Variants in SLC24A3 observed in about 807,000 individuals in gnomAD.
SLC24A3 encodes the protein sodium/potassium/calcium exchanger 3.
In SLC24A3, 28 loss-of-function variants were observed where a neutral mutation model predicts 75.8. The observed-to-expected ratio is 0.37, with a 90% CI of 0.27 to 0.51. SLC24A3 has a LOEUF of 0.51. SLC24A3 is among the 20% of genes least tolerant of loss of function. SLC24A3 has a pLI of 0.94. For missense variants in SLC24A3, 663 were observed against 847.8 expected, an observed-to-expected ratio of 0.78 and a Z score of 2.71; for synonymous variants, 372 against 334.1, an observed-to-expected ratio of 1.11 and a Z score of -1.24.
rs139747422 is a variant in SLC24A3, at chr20:19,655,626, T to A, written c.687+1490T>A. Among the ~76,000 whole-genome samples the A allele has an allele frequency of 6.2e-3, 942 of 152,260 alleles. 6 individuals carry two copies. Among genetic ancestry groups the A allele is most frequent in the African/African-American group, 0.021 (885 of 41,534 alleles). ...TCACCCTCCCCACGGTGAATGAGCA[T>A]GATTCAATTCACTGAAGGCCCGAAT... is the stretch of plus-strand genomic sequence containing the variant. On this transcript the variant is annotated intron_variant, in intron 7 of 16. Coordinates refer to ENST00000328041, the MANE Select transcript of SLC24A3 (RefSeq NM_020689.4).
chr20:19,232,541 T>A (rs1982053458), intron 1 of SLC24A3, among the ~76,000 whole-genome samples: 1 of 152,198 alleles, frequency 6.6e-6, no homozygotes, highest in South Asian at 2.1e-4. Flanking sequence ...ATAGTTTATT[T>A]GAGATATTTG....
At position 19,281,055 on chromosome 20, in the gene SLC24A3, G is replaced by C; in HGVS notation, c.239G>C (p.Gly80Ala). The change falls in exon 2 of 17, where the codon GGA (glycine) becomes GCA (alanine). Residue 80 changes from glycine to alanine, a missense_variant. Coordinates refer to ENST00000328041, the MANE Select transcript of SLC24A3 (RefSeq NM_020689.4). Reference protein sequence around the residue: ...VNDTLTSEDAGLRNSKNCTEP... With the variant: ...VNDTLTSEDAALRNSKNCTEP... ...GACACTCTGACTTCCGAAGATGCCGGACTCCGGAACAGCAAGAACTGCACC... is the reference window on the plus strand; with the variant it reads ...GACACTCTGACTTCCGAAGATGCCGCACTCCGGAACAGCAAGAACTGCACC... The C allele has an allele frequency of 6.2e-7, 1 of 1,614,174 alleles. No homozygotes were observed. Among genetic ancestry groups the C allele is most frequent in the Non-Finnish European group, 8.5e-7 (1 of 1,180,022 alleles).
rs568601928 is a variant in SLC24A3, at chr20:19,593,948, C to T, written c.612+8404C>T. The stretch of plus-strand genomic sequence containing the variant: ...ACCCCGGCCATTCACTCCTGAACCC[C>T]ACAACAGCTGCCGGGTGGGCCCAGG... On this transcript the variant is annotated intron_variant, in intron 6 of 16. Coordinates refer to ENST00000328041, the MANE Select transcript of SLC24A3 (RefSeq NM_020689.4). Among the ~76,000 whole-genome samples the T allele has an allele frequency of 1.7e-3, 254 of 152,324 alleles. 1 individual carries two copies. Among genetic ancestry groups the T allele is most frequent in the Non-Finnish European group, 2.7e-3 (187 of 68,030 alleles).
intron 5 of SLC24A3, 140 bp from the exon 6 acceptor site, chr20:19,585,301 A>T: frequency 1.2e-6 from 1 of 832,280 alleles, no homozygotes; most frequent in Non-Finnish European, 1.9e-6. Flanking sequence ...ATCCCTCTGT[A>T]GATTAGAAAG....
At chr20:19,621,022 G>T (rs2031797160) in intron 6 of SLC24A3, among the ~76,000 whole-genome samples, 1 of 152,202 alleles carries the variant, frequency 6.6e-6, no homozygotes, top group Admixed American at 6.5e-5. Context: ...GATGTGAAAG[G>T]TGCCTTAAGA....
At chr20:19,633,062 T>C (rs190775824) in intron 6 of SLC24A3, among the ~76,000 whole-genome samples, 56 of 152,380 alleles carry the variant, frequency 3.7e-4, no homozygotes, top group African/African-American at 1.3e-3. Flanking sequence ...CATGTGCAGA[T>C]TTATCAGTTT....
intron 1 of SLC24A3, among the ~76,000 whole-genome samples, chr20:19,215,148 G>T (rs1410076202): frequency 3.9e-5 from 6 of 152,302 alleles, no homozygotes; most frequent in African/African-American, 1.4e-4. Flanking sequence ...ATCTGCAAAT[G>T]ATAATTTTGC....
chr20:19,518,569 G>C (rs1280833123), intron 3 of SLC24A3, among the ~76,000 whole-genome samples: 2 of 152,226 alleles, frequency 1.3e-5, no homozygotes, highest in Non-Finnish European at 2.9e-5. Context: ...GAGACACAGA[G>C]AGGTGAGAGT....
At chr20:19,543,731 A>G (rs2030540820) in intron 3 of SLC24A3, among the ~76,000 whole-genome samples, 1 of 152,190 alleles carries the variant, frequency 6.6e-6, no homozygotes, top group Non-Finnish European at 1.5e-5. Flanking sequence ...CCCCCAGTAT[A>G]TACTGGTTGA....
intron 2 of SLC24A3, among the ~76,000 whole-genome samples, chr20:19,513,509 T>A (rs920869131): frequency 6.6e-6 from 1 of 152,218 alleles, no homozygotes; most frequent in Non-Finnish European, 1.5e-5. Context: ...AATTTCCAGA[T>A]CGTGGCTTCA....
intron 2 of SLC24A3, chr20:19,355,041 A>G (rs934420479): frequency 6.6e-6 from 1 of 152,110 alleles, no homozygotes; most frequent in Non-Finnish European, 1.5e-5. Flanking sequence ...GACAAAAGCA[A>G]TTGTGTTCTC....
chr20:19,490,280 G>C (rs769579978), intron 2 of SLC24A3, among the ~76,000 whole-genome samples: 8 of 152,124 alleles, frequency 5.3e-5, no homozygotes, highest in South Asian at 4.1e-4. Context: ...TGAAAAAATG[G>C]CTCCTGGTTT....
intron 1 of SLC24A3, among the ~76,000 whole-genome samples, chr20:19,233,682 G>A (rs115871240): frequency 1.2e-3 from 176 of 152,272 alleles, no homozygotes; most frequent in African/African-American, 3.8e-3. Context: ...TATGAAGGAC[G>A]GTATAACTTC....
chr20:19,281,164 G>A, intron 2 of SLC24A3, 77 bp downstream of exon 2: 1 of 1,571,424 alleles, frequency 6.4e-7, no homozygotes, highest in Non-Finnish European at 8.7e-7. Context: ...GCTGCTGTGT[G>A]TTTTCTTAGA....
intron 6 of SLC24A3, among the ~76,000 whole-genome samples, chr20:19,593,041 C>T (rs1033553635): frequency 7.9e-5 from 12 of 152,168 alleles, no homozygotes; most frequent in Non-Finnish European, 1.8e-4. Flanking sequence ...GATGATCCGC[C>T]TGCCTCAGCC....
At chr20:19,236,172 G>A (rs954740635) in intron 1 of SLC24A3, among the ~76,000 whole-genome samples, 1 of 152,224 alleles carries the variant, frequency 6.6e-6, no homozygotes, top group African/African-American at 2.4e-5. Context: ...AATAGCATAT[G>A]GGACACAGTC....
intron 2 of SLC24A3, among the ~76,000 whole-genome samples, chr20:19,477,325 T>C (rs1213723258): frequency 6.6e-6 from 1 of 152,166 alleles, no homozygotes; most frequent in Admixed American, 6.5e-5. Context: ...TCCTCTGTTC[T>C]GAGCTTGTGT....
intron 6 of SLC24A3, among the ~76,000 whole-genome samples, chr20:19,585,976 T>A (rs62203266): frequency 0.036 from 5,501 of 152,306 alleles, 122 homozygotes; most frequent in South Asian, 0.086. Flanking sequence ...CATGCAGTCA[T>A]CACGGTTTAG....
chr20:19,506,173 G>A (rs1006288906), intron 2 of SLC24A3, among the ~76,000 whole-genome samples: 23 of 152,212 alleles, frequency 1.5e-4, no homozygotes, highest in African/African-American at 4.8e-4. Flanking sequence ...AGGCCCTCAG[G>A]CTCTTGTAAA....
Sources: allele counts gnomAD v4.1 joint callset (sites outside exome capture counted in the v4.1 genomes callset), GRCh38; gene constraint gnomAD v4.1.1; transcripts MANE v1.5; gene names NCBI Gene and HGNC (gene_info 2026-07-23, HGNC 2026-07-21).